The following SUSD4 variants were observed in gnomAD, a reference collection of about 807,000 sequenced individuals.
SUSD4 encodes sushi domain containing 4.
A neutral mutation model predicts 50.5 loss-of-function variants in SUSD4; 41 were observed. The observed-to-expected ratio is 0.81, with a 90% confidence interval of 0.63 to 1.05. The LOEUF (loss-of-function observed/expected upper bound fraction) is 1.05, where lower values mean the gene tolerates loss of function less well. SUSD4 is among the 50% of genes least tolerant of loss of function. The pLI, the probability that SUSD4 is intolerant of heterozygous loss-of-function variation, is 0.00. For missense variants in SUSD4, 580 were observed against 634.7 expected (o/e 0.91, Z 0.93); for synonymous variants, 257 against 257.3 (o/e 1.00, Z 0.01).
At chr1:223,239,693 TTCA>T (rs760986908) in intron 5 of SUSD4, among the ~76,000 whole-genome samples, 1 of 151,990 alleles carries the variant, frequency 6.6e-6, no homozygotes, top group Non-Finnish European at 1.5e-5. Flanking sequence ...ATTGCTGTCA[TTCA>T]TCTCACTTAT....
At chr1:223,301,808 G>A (rs1040057557) in intron 2 of SUSD4, among the ~76,000 whole-genome samples, 11 of 152,188 alleles carry the variant, frequency 7.2e-5, no homozygotes, top group South Asian at 4.1e-4. Flanking sequence ...AAAATGAACC[G>A]TGTCAGTTTC....
chr1:223,249,661 A>G (rs563640949), intron 5 of SUSD4, among the ~76,000 whole-genome samples: 1 of 152,366 alleles, frequency 6.6e-6, no homozygotes, highest in Admixed American at 6.5e-5. Context: ...TAGTTCTATA[A>G]TAAGTTTATA....
At position 223,235,115 on chromosome 1, in the gene SUSD4, T is replaced by C. The variant is rs745575901; in HGVS notation, c.725-5727A>G. 2.5e-5 allele frequency: 39 copies of C among 1,586,726 alleles called. No individual in the cohort carries two copies. In the Admixed American group the frequency reaches 7.2e-4, roughly 29 times the overall value. ...AGGTCTTCCTCCTGAAAAAAAGAAG[T>C]GTAAATATGAAAACATAAGAAGACT... On this transcript the variant is annotated intron_variant, in intron 5 of 8. Transcript: ENST00000366878.
In SUSD4 at chr1:223,263,987, G is replaced by A. The variant is rs1662303160; in HGVS notation, c.724+643C>T. On this transcript the variant is annotated intron_variant, in intron 5 of 8. Transcript: ENST00000366878. ...GCATACTTTCAAGATCTGAGTTAAA[G>A]CAAGAGCTGAACCAGCATGTCCAAC... The A allele has an allele frequency of 9.1e-6, 9 of 985,294 alleles. No homozygotes were observed. In the South Asian group the frequency reaches 4.2e-4, roughly 46 times the overall value. 61.0% of individuals were successfully genotyped at this position (985,294 alleles called of 1,614,324 possible).
chr1:223,359,989 G>T (rs757033496), intron 2 of SUSD4, among the ~76,000 whole-genome samples: 1 of 152,136 alleles, frequency 6.6e-6, no homozygotes, highest in African/African-American at 2.4e-5. Flanking sequence ...CCAAAATCAC[G>T]GCATTGTCTT....
At chr1:223,299,154 T>C (rs1030414188) in intron 2 of SUSD4, among the ~76,000 whole-genome samples, 1 of 152,266 alleles carries the variant, frequency 6.6e-6, no homozygotes, top group Admixed American at 6.5e-5. Context: ...GTCATTTTTC[T>C]GAAGAGCTGT....
intron 3 of SUSD4, among the ~76,000 whole-genome samples, chr1:223,274,411 G>A (rs906677871): frequency 6.6e-6 from 1 of 152,162 alleles, no homozygotes; most frequent in Non-Finnish European, 1.5e-5. Flanking sequence ...GGTCCAGGTT[G>A]TTTCTTTCAT....
chr1:223,286,883 G>T (rs889482750), intron 3 of SUSD4, among the ~76,000 whole-genome samples: 3 of 152,134 alleles, frequency 2.0e-5, no homozygotes, highest in African/African-American at 7.2e-5. Flanking sequence ...TCTTTGTGTT[G>T]TTAGGTGAAT....
At chr1:223,260,704 A>G (rs1216796439) in intron 5 of SUSD4, among the ~76,000 whole-genome samples, 2 of 152,222 alleles carry the variant, frequency 1.3e-5, no homozygotes, top group Non-Finnish European at 2.9e-5. Flanking sequence ...TTATCTGACA[A>G]CACAGCTATG....
At chr1:223,232,986 A>T (rs1041627414) in intron 5 of SUSD4, among the ~76,000 whole-genome samples, 1 of 152,202 alleles carries the variant, frequency 6.6e-6, no homozygotes, top group African/African-American at 2.4e-5. Flanking sequence ...TATTAGTATC[A>T]CTGGTGTCCA....
chr1:223,288,421 T>C (rs756211283), intron 3 of SUSD4, among the ~76,000 whole-genome samples: 6 of 152,168 alleles, frequency 3.9e-5, no homozygotes, highest in Non-Finnish European at 8.8e-5. Flanking sequence ...AGATAGTATA[T>C]TTATAGCAGT....
At chr1:223,364,626 C>T (rs1247765077), upstream of SUSD4, among the ~76,000 whole-genome samples, 1 of 151,238 alleles carries the variant, frequency 6.6e-6, no homozygotes, top group Non-Finnish European at 1.5e-5. The surrounding 1 kb of genome is among the most constrained non-coding windows in gnomAD (Gnocchi z 4.5). Context: ...TGCGCGCCAG[C>T]TCAGGTGCCC....
intron 2 of SUSD4, among the ~76,000 whole-genome samples, chr1:223,340,703 GA>G (rs1478261881): frequency 6.6e-6 from 1 of 152,192 alleles, no homozygotes; most frequent in Non-Finnish European, 1.5e-5. Flanking sequence ...CACAGGAGGG[GA>G]AATGTGTCCC....
chr1:223,353,376 G>A (rs1572126430), intron 2 of SUSD4, among the ~76,000 whole-genome samples: 1 of 152,124 alleles, frequency 6.6e-6, no homozygotes, highest in Non-Finnish European at 1.5e-5. Context: ...CCCTCCAGAC[G>A]CTCAATAATA....
intron 5 of SUSD4, among the ~76,000 whole-genome samples, chr1:223,248,998 A>G (rs1031740415): frequency 6.6e-6 from 1 of 152,200 alleles, no homozygotes; most frequent in African/African-American, 2.4e-5. Flanking sequence ...GCTGAAATCA[A>G]AAGCTGACAC....
intron 2 of SUSD4, among the ~76,000 whole-genome samples, chr1:223,324,328 T>C (rs192689849): frequency 4.2e-4 from 63 of 151,554 alleles, no homozygotes; most frequent in Admixed American, 2.6e-3. Flanking sequence ...CTTGGGGCCA[T>C]TGGGTGTATG....
chr1:223,305,201 C>G (rs1665460658), intron 2 of SUSD4, among the ~76,000 whole-genome samples: 2 of 152,068 alleles, frequency 1.3e-5, no homozygotes, highest in South Asian at 4.1e-4. Context: ...CATGCACAGA[C>G]AGCTCAGCTC....
chr1:223,336,702 C>A (rs143031202), intron 2 of SUSD4, among the ~76,000 whole-genome samples: 83 of 152,090 alleles, frequency 5.5e-4, no homozygotes, highest in African/African-American at 2.0e-3. Context: ...GAGCTTTAAT[C>A]CTTTTTTTTT....
At chr1:223,364,798 G>C (rs1669227353), upstream of SUSD4, among the ~76,000 whole-genome samples, 1 of 152,154 alleles carries the variant, frequency 6.6e-6, no homozygotes, top group East Asian at 1.9e-4. This position sits in a 1 kb window ranked among gnomAD's most constrained non-coding sequence, Gnocchi z 4.5. Flanking sequence ...CGGTTAACTT[G>C]AGCACCGCCA....
Sources: gnomAD v4.1 joint callset for allele counts (sites outside exome capture counted in the v4.1 genomes callset) on GRCh38, gnomAD v4.1.1 for gene constraint, Gnocchi (gnomAD v3.1) non-coding constraint, MANE v1.5 for transcripts, NCBI Gene and HGNC (gene_info 2026-07-23, HGNC 2026-07-21) for gene names.